Variants in KLRG1 observed in about 807,000 individuals in gnomAD.
KLRG1 encodes the protein killer cell lectin like receptor G1.
KLRG1 carries 16 observed loss-of-function variants against 21.8 expected under a neutral mutation model. That is an observed-to-expected ratio of 0.73 (90% CI 0.50 to 1.11). The LOEUF is 1.11. Among genes scored for constraint, KLRG1 ranks in the 50% most tolerant of loss-of-function variants. The probability of loss-of-function intolerance (pLI) is 0.00; values close to 1 mark genes in which losing one functional copy is unlikely to be tolerated. For synonymous variants in KLRG1, 69 were observed against 75.9 expected, an observed-to-expected ratio of 0.91 and a Z score of 0.47; for missense variants, 173 against 218.3, an observed-to-expected ratio of 0.79 and a Z score of 1.31.
the KLRG1 span, among the ~76,000 whole-genome samples, chr12:9,198,354 A>G: frequency 6.6e-6 from 1 of 152,246 alleles, no homozygotes; most frequent in South Asian, 2.1e-4. Flanking sequence ...TACTAAAAAA[A>G]TGTTTCTTCC....
At chr12:8,970,796 G>T (rs1275472643) in intron 1 of KLRG1, among the ~76,000 whole-genome samples, 1 of 152,072 alleles carries the variant, frequency 6.6e-6, no homozygotes, top group Admixed American at 6.6e-5. Context: ...CTGTTCTTTT[G>T]CAGACCTTAT....
At chr12:9,194,602 C>T in the KLRG1 span, among the ~76,000 whole-genome samples, 1 of 151,762 alleles carries the variant, frequency 6.6e-6, no homozygotes, top group African/African-American at 2.4e-5. Flanking sequence ...GTAGCTGGGA[C>T]TACAGGCGCC....
chr12:8,991,017 G>A (rs979604320), intron 1 of KLRG1, among the ~76,000 whole-genome samples: 2 of 151,954 alleles, frequency 1.3e-5, no homozygotes, highest in Non-Finnish European at 2.9e-5. Context: ...TTTTCTTTAA[G>A]AAGTTCAGAA....
At chr12:8,993,699 G>GT (rs778548244) in intron 2 of KLRG1, among the ~76,000 whole-genome samples, 114 of 152,290 alleles carry the variant, frequency 7.5e-4, no homozygotes, top group Middle Eastern at 3.4e-3. Context: ...TCCAGGCTGA[G>GT]TAATGTCACA....
At chr12:9,202,657 C>G in the KLRG1 span, 1 of 1,613,982 alleles carries the variant, frequency 6.2e-7, no homozygotes, top group Non-Finnish European at 8.5e-7. Flanking sequence ...AGGAATGCCA[C>G]CTCTGAAGAG....
the KLRG1 span, chr12:9,095,190 A>T: frequency 1.7e-6 from 1 of 596,218 alleles, no homozygotes; most frequent in Non-Finnish European, 2.7e-6. Flanking sequence ...AACTTAAATT[A>T]AACTTTTAAC....
At chr12:9,166,197 G>A in the KLRG1 span, 1 of 1,609,980 alleles carries the variant, frequency 6.2e-7, no homozygotes. Flanking sequence ...ACTACTCCTA[G>A]ACCTGCTAAA....
At chr12:9,079,879 G>A in the KLRG1 span, 1 of 1,397,868 alleles carries the variant, frequency 7.2e-7, no homozygotes, top group Non-Finnish European at 9.5e-7. Context: ...AAGTCATTAA[G>A]CAGAAATAAT....
At chr12:9,215,196 G>C in the KLRG1 span, among the ~76,000 whole-genome samples, 15 of 151,940 alleles carry the variant, frequency 9.9e-5, no homozygotes, top group Admixed American at 9.8e-4. Context: ...AACCCTATTA[G>C]ACACTGTGAA....
At chr12:9,111,917 C>G in the KLRG1 span, 2 of 626,812 alleles carry the variant, frequency 3.2e-6, no homozygotes, top group Non-Finnish European at 6.1e-6. Context: ...AATTAAGAAC[C>G]ATCCGAAAAG....
intron 3 of KLRG1, among the ~76,000 whole-genome samples, chr12:9,002,593 G>A (rs1024526259): frequency 6.9e-6 from 1 of 144,462 alleles, no homozygotes; most frequent in Non-Finnish European, 1.5e-5. Context: ...TGTTGTTGTT[G>A]TTTGAGACTC....
At chr12:9,038,755 C>T in the KLRG1 span, among the ~76,000 whole-genome samples, 11 of 151,838 alleles carry the variant, frequency 7.2e-5, no homozygotes, top group African/African-American at 2.7e-4. Flanking sequence ...AAAAATTAGC[C>T]GGGCGTGGTG....
chr12:9,147,367 C>G, the KLRG1 span, among the ~76,000 whole-genome samples: 2 of 152,188 alleles, frequency 1.3e-5, no homozygotes, highest in Admixed American at 1.3e-4. Flanking sequence ...GTAACCCCTT[C>G]TCTCCCCTAA....
the KLRG1 span, among the ~76,000 whole-genome samples, chr12:9,081,605 A>G: frequency 5.3e-5 from 8 of 152,358 alleles, no homozygotes; most frequent in Admixed American, 4.6e-4. Flanking sequence ...ACAAATTAGA[A>G]GAGTAGGAAG....
At chr12:9,040,962 AG>A in the KLRG1 span, among the ~76,000 whole-genome samples, 1 of 152,266 alleles carries the variant, frequency 6.6e-6, no homozygotes, top group Non-Finnish European at 1.5e-5. Context: ...CCCACCTGAC[AG>A]CAGCTGTGCA....
the KLRG1 span, chr12:9,106,407 C>A: frequency 4.8e-6 from 7 of 1,446,766 alleles, no homozygotes; most frequent in South Asian, 2.4e-5. Flanking sequence ...AATTCTATCA[C>A]CTCCCCCCAA....
chr12:9,065,697 A>G, the KLRG1 span: 1 of 152,376 alleles, frequency 6.6e-6, no homozygotes, highest in Non-Finnish European at 1.5e-5. Context: ...CCCACCCTCA[A>G]GCTGGTGAGG....
chr12:9,089,793 T>G, the KLRG1 span: 13 of 801,912 alleles, frequency 1.6e-5, no homozygotes, highest in Non-Finnish European at 2.3e-5. Flanking sequence ...AAGAGAGAGA[T>G]AGGACAGAGA....
the KLRG1 span, among the ~76,000 whole-genome samples, chr12:9,132,778 C>G: frequency 1.3e-5 from 2 of 152,224 alleles, no homozygotes; most frequent in East Asian, 3.9e-4. Context: ...CAAATTATCA[C>G]ATCTGAAGCA....
Sources: gnomAD v4.1 joint callset for allele counts (sites outside exome capture counted in the v4.1 genomes callset) on GRCh38, gnomAD v4.1.1 for gene constraint, MANE v1.5 for transcripts, NCBI Gene and HGNC (gene_info 2026-07-23, HGNC 2026-07-21) for gene names.